Variants in MROH1 observed in about 807,000 individuals in gnomAD.
MROH1 encodes maestro heat-like repeat-containing protein family member 1.
In MROH1, 117 loss-of-function variants were observed where a neutral mutation model predicts 116.5. That is an observed-to-expected ratio of 1.00 (90% CI 0.86 to 1.17). MROH1 has a LOEUF of 1.17. MROH1 is among the 50% of genes most tolerant of loss of function. The pLI is 0.00. For missense variants in MROH1, 1,873 were observed against 1,338.5 expected, an observed-to-expected ratio of 1.40 and a Z score of -6.23; for synonymous variants, 921 against 583.9, an observed-to-expected ratio of 1.58 and a Z score of -8.32.
intron 14 of MROH1, among the ~76,000 whole-genome samples, chr8:144,226,339 C>T (rs1837816946): frequency 6.6e-6 from 1 of 152,220 alleles, no homozygotes; most frequent in Admixed American, 6.5e-5. Context: ...AATTGCCTTG[C>T]ATCTTCGTCG....
intron 4 of MROH1, chr8:144,175,683 G>C (rs1210834900): frequency 1.8e-6 from 1 of 557,716 alleles, no homozygotes; most frequent in East Asian, 1.4e-4. Context: ...CAGCACTTTG[G>C]GAGCCTGAGA....
In MROH1 at chr8:144,247,643, C is replaced by T. The variant is rs1168408295; in HGVS notation, c.3084C>T (p.Pro1028=). 1.8e-5 allele frequency: 14 copies of T among 769,494 alleles called. No individual in the cohort carries two copies. Among genetic ancestry groups the T allele is most frequent in the Admixed American group, 8.5e-5 (5 of 58,798 alleles). The allele number at this position is 769,494 out of a possible 1,614,324, so 47.7% of individuals were successfully genotyped here. Residue 1028 remains proline, a synonymous_variant, in exon 31 of 44, where the codon CCC becomes CCT. Coordinates refer to ENST00000326134, the MANE Select transcript of MROH1 (RefSeq NM_032450.3). ...AGGACGGCCTCGTGCACCCTGACCC[C>T]GCCATTCTCTTCCACACCTGCCACA... ...SLKDGLVHPD[P]AILFHTCHSV...
At chr8:144,242,813 G>A (rs1005967299) in intron 24 of MROH1, among the ~76,000 whole-genome samples, 185 bp downstream of exon 24, 3 of 152,214 alleles carry the variant, frequency 2.0e-5, no homozygotes, top group Non-Finnish European at 2.9e-5. Flanking sequence ...GGCCCTGGAC[G>A]GCAGTGGGAA....
intron 1 of MROH1, among the ~76,000 whole-genome samples, chr8:144,158,284 C>T (rs919967251): frequency 2.6e-5 from 4 of 152,076 alleles, no homozygotes; most frequent in Non-Finnish European, 4.4e-5. Flanking sequence ...TGAGCCACCA[C>T]GCCTGGCCAA....
At chr8:144,181,320 T>TGGGGGAGGGGCCCGGTGAG (rs1587954211) in intron 7 of MROH1, among the ~76,000 whole-genome samples, 1 of 93,164 alleles carries the variant, frequency 1.1e-5, no homozygotes, top group African/African-American at 4.2e-5. Flanking sequence ...GGGCCGGTGA[T>TGGGGGAGGGGCCCGGTGAG]GGGGGAGGGG....
rs1420990826 is a variant in MROH1, at chr8:144,192,695, C to A, written c.948+294C>A. Reference sequence around the variant, plus strand: ...AGGTGGTCCCAGAGAAAGGTCAGCGCAGCTGAAGTGCCAGCTGGGGGAGAC... The same window carrying A: ...AGGTGGTCCCAGAGAAAGGTCAGCGAAGCTGAAGTGCCAGCTGGGGGAGAC... On this transcript the variant is annotated intron_variant, in intron 10 of 43. Transcript: ENST00000326134. The A allele has an allele frequency of 6.5e-5, 37 of 572,068 alleles. No homozygotes were observed. The East Asian group carries it at 1.2e-3, about 19-fold the overall frequency. The allele number at this position is 572,068 out of a possible 1,614,324, so 35.4% of individuals were successfully genotyped here. A position where few individuals can be genotyped will look rare whatever the true frequency, so the allele number is the denominator to read the frequency against.
chr8:144,186,596 A>ATT (rs1827242300), intron 7 of MROH1, among the ~76,000 whole-genome samples: 1 of 152,224 alleles, frequency 6.6e-6, no homozygotes, highest in Non-Finnish European at 1.5e-5. Flanking sequence ...AACGAAGCAG[A>ATT]TTCCTATCAC....
In MROH1 at chr8:144,180,567, TG is replaced by T. The variant is rs763627278; in HGVS notation, c.562+50del. 33 of 1,564,594 alleles carry T rather than the reference TG, an allele frequency of 2.1e-5. No homozygotes were observed. The highest frequency in any genetic ancestry group is 2.7e-5 in the Non-Finnish European group (31 of 1,147,402). Reference sequence around the variant, plus strand: ...ACCTTCTGTCTCAAGTGCCCCTTTGTGGGGGGCTGTTCCCGGGCATGCCTGT... The same window carrying T: ...ACCTTCTGTCTCAAGTGCCCCTTTGTGGGGGCTGTTCCCGGGCATGCCTGT... On this transcript the variant is annotated intron_variant, in intron 7 of 43. Transcript: ENST00000326134. The surrounding 1 kb of genome is among the most constrained non-coding windows in gnomAD (Gnocchi z 7.4).
chr8:144,180,524 G>T lies in MROH1; in HGVS notation c.562+1G>T. The T allele has an allele frequency of 6.2e-7, 1 of 1,608,546 alleles. No homozygotes were observed. Among genetic ancestry groups the T allele is most frequent in the South Asian group, 1.1e-5 (1 of 91,040 alleles). Reference sequence around the variant, plus strand: ...ACGGTGCGCGTGGCCTTCTGCTCCGGTAAGAGGCGGCCTCGTCACCTTCTG... The same window carrying T: ...ACGGTGCGCGTGGCCTTCTGCTCCGTTAAGAGGCGGCCTCGTCACCTTCTG... On this transcript the variant is annotated splice_donor_variant, in intron 7 of 43. Transcript: ENST00000326134. LOFTEE classifies it high-confidence loss of function. This position sits in a 1 kb window ranked among gnomAD's most constrained non-coding sequence, Gnocchi z 7.4.
In MROH1 at chr8:144,182,815, G is replaced by A. The variant is rs770387963; in HGVS notation, c.562+2292G>A. The stretch of plus-strand genomic sequence containing the variant: ...CTAGTGGCCGGGTGCGGTGGCTCAT[G>A]CCTGTAATCCCAGCACTTTGGAAAG... On this transcript the variant is annotated intron_variant, in intron 7 of 43. Coordinates refer to ENST00000326134, the MANE Select transcript of MROH1 (RefSeq NM_032450.3). This position sits in a 1 kb window ranked among gnomAD's most constrained non-coding sequence, Gnocchi z 4.1. Among the ~76,000 whole-genome samples the A allele has an allele frequency of 1.3e-5, 2 of 152,212 alleles. No homozygotes were observed. Among genetic ancestry groups the A allele is most frequent in the Non-Finnish European group, 2.9e-5 (2 of 68,044 alleles).
intron 33 of MROH1, 50 bp downstream of exon 33, chr8:144,250,416 C>T (rs948499951): frequency 2.8e-6 from 2 of 724,880 alleles, no homozygotes; most frequent in Non-Finnish European, 5.0e-6. Context: ...ATGATGCTCC[C>T]CCTGGAATGA....
Position 144,245,219 on chromosome 8 carries a change from G to A in MROH1, c.2830G>A (p.Ala944Thr), listed in dbSNP as rs1249420417. 5 of 778,984 alleles carry A rather than the reference G, an allele frequency of 6.4e-6. No homozygotes were observed. Among genetic ancestry groups the A allele is most frequent in the South Asian group, 2.7e-5 (2 of 74,572 alleles). 48.3% of individuals were successfully genotyped at this position (778,984 alleles called of 1,614,324 possible). ...GCGGGCGCGGGCCCTGGGCCTGAGC[G>A]CCCTCCTGCTGCGCTACTTCCTGGA... is the stretch of plus-strand genomic sequence containing the variant. The part of the protein sequence containing the change: ...HERARALGLS[A>T]LLLRYFLEHL... Residue 944 changes from alanine to threonine, a missense_variant, in exon 29 of 44, where the codon GCC becomes ACC. By Grantham distance (58) the Ala-to-Thr change is moderately conservative (BLOSUM62 0). Transcript: ENST00000326134.
intron 10 of MROH1, 127 bp downstream of exon 10, chr8:144,192,528 T>C (rs747617907): frequency 8.9e-6 from 7 of 786,372 alleles, no homozygotes. Flanking sequence ...GGACTGGGCA[T>C]TCCCTGAAGG....
chr8:144,155,944 A>G (rs915461448), intron 1 of MROH1, among the ~76,000 whole-genome samples: 54 of 150,802 alleles, frequency 3.6e-4, no homozygotes, highest in Middle Eastern at 3.4e-3. Context: ...GTTTTTCTTA[A>G]GTAACAAGTT....
At chr8:144,215,742 G>A (rs544254448) in intron 12 of MROH1, among the ~76,000 whole-genome samples, 1 of 146,588 alleles carries the variant, frequency 6.8e-6, no homozygotes, top group South Asian at 2.2e-4. Flanking sequence ...GCGTGGTGGC[G>A]GGCACCTGTA....
intron 35 of MROH1, among the ~76,000 whole-genome samples, chr8:144,256,782 T>C (rs1373554957): frequency 6.6e-6 from 1 of 152,238 alleles, no homozygotes; most frequent in Non-Finnish European, 1.5e-5. Context: ...GGCACCCTCA[T>C]CCAAATCACT....
chr8:144,222,608 A>T (rs570879738), intron 13 of MROH1, among the ~76,000 whole-genome samples: 67 of 151,834 alleles, frequency 4.4e-4, no homozygotes, highest in Non-Finnish European at 8.5e-4. Context: ...GCAGGTAATT[A>T]TAGGTATGGG....
At chr8:144,157,370 G>A (rs968704365) in intron 1 of MROH1, among the ~76,000 whole-genome samples, 26 of 152,030 alleles carry the variant, frequency 1.7e-4, no homozygotes, top group African/African-American at 5.8e-4. Flanking sequence ...GCGTGAGTCT[G>A]TATAGCTTTC....
chr8:144,192,491 G>A (rs1201630127), intron 10 of MROH1, 90 bp downstream of exon 10: 3 of 1,168,484 alleles, frequency 2.6e-6, no homozygotes, highest in South Asian at 1.3e-5. Flanking sequence ...GCAAGTTGGG[G>A]TGGATGGCTC....
Sources: allele counts gnomAD v4.1 joint callset (sites outside exome capture counted in the v4.1 genomes callset), GRCh38; gene constraint gnomAD v4.1.1; non-coding constraint Gnocchi (gnomAD v3.1); transcripts MANE v1.5; gene names NCBI Gene and HGNC (gene_info 2026-07-23, HGNC 2026-07-21).